Variants in AGAP1 observed in about 807,000 individuals in gnomAD.
AGAP1 encodes the protein ArfGAP with GTPase domain, ankyrin repeat and PH domain 1, also known as arf-GAP with GTPase, ANK repeat and PH domain-containing protein 1.
AGAP1 carries 29 observed loss-of-function variants against 105.3 expected under a neutral mutation model. The ratio of observed to expected loss-of-function variants is 0.28; its 90% CI spans 0.21 to 0.38. The LOEUF (loss-of-function observed/expected upper bound fraction) is 0.38, where lower values mean the gene tolerates loss of function less well. Ranked by LOEUF, AGAP1 falls within the 10% of genes least tolerant of loss-of-function variation. The pLI is 1.00. For missense variants in AGAP1, 998 were observed against 1,165.1 expected (o/e 0.86, Z 2.09); for synonymous variants, 509 against 485.9 (o/e 1.05, Z -0.63).
In AGAP1 at chr2:236,129,195, G is replaced by C. The variant is rs1254495321; in HGVS notation, c.*5073G>C. 1 of 152,270 alleles carries C rather than the reference G, an allele frequency of 6.6e-6. No homozygotes were observed. The highest frequency in any genetic ancestry group is 2.4e-5 in the African/African-American group (1 of 41,452). 9.4% of individuals were successfully genotyped at this position (152,270 alleles called of 1,614,324 possible). A position where few individuals can be genotyped will look rare whatever the true frequency, so the allele number is the denominator to read the frequency against. On this transcript the variant is annotated 3_prime_UTR_variant, in exon 18 of 18. Transcript: ENST00000304032. The surrounding 1 kb of genome is among the most constrained non-coding windows in gnomAD (Gnocchi z 6.2). ...TTCTTCAGGGAGCCCTTGTGGTCAT[G>C]TGTCTTTAATGCTGCTCCCCATGCC...
rs1312401589 is a variant in AGAP1, at chr2:236,012,931, G to A, written c.1646-23630G>A. On this transcript the variant is annotated intron_variant, in intron 13 of 17. Transcript: ENST00000304032. This position sits in a 1 kb window ranked among gnomAD's most constrained non-coding sequence, Gnocchi z 4.9. ...ACAGCTAATTTTTGTATTTTTAGTAGAGACGGTGTTTTGCCATGTTGGCCA... is the reference window on the plus strand; with the variant it reads ...ACAGCTAATTTTTGTATTTTTAGTAAAGACGGTGTTTTGCCATGTTGGCCA... 6.6e-6 allele frequency among the ~76,000 whole-genome samples: 1 copy of A among 152,104 alleles called. No homozygotes were observed. The highest frequency in any genetic ancestry group is 1.5e-5 in the Non-Finnish European group (1 of 68,032).
chr2:235,645,021 G>A (rs373154228), intron 1 of AGAP1, among the ~76,000 whole-genome samples: 16 of 151,960 alleles, frequency 1.1e-4, no homozygotes, highest in African/African-American at 3.4e-4. Flanking sequence ...TCAGCCTGCT[G>A]AGTAGCTGGG....
rs754402762 is a variant in AGAP1, at chr2:235,992,898, C to T, written c.1645+24275C>T. On this transcript the variant is annotated intron_variant, in intron 13 of 17. Transcript: ENST00000304032. This position sits in a 1 kb window ranked among gnomAD's most constrained non-coding sequence, Gnocchi z 4.8. ...GCCTCTTTCCGTCGTGAACCATGGA[C>T]GTCTCTCCTTGACCTCCTCCCTACC... Among the ~76,000 whole-genome samples, 4 of 152,116 alleles carry T rather than the reference C, an allele frequency of 2.6e-5. No homozygotes were observed. The highest frequency in any genetic ancestry group is 9.7e-5 in the African/African-American group (4 of 41,424).
rs2059426108 is a variant in AGAP1, at chr2:236,104,113, TG to T, written c.2115-16076del. On this transcript the variant is annotated intron_variant, in intron 16 of 17. Coordinates refer to ENST00000304032, the MANE Select transcript of AGAP1 (RefSeq NM_001037131.3). This position sits in a 1 kb window ranked among gnomAD's most constrained non-coding sequence, Gnocchi z 4.7. ...CCACTTGCATTTAGGTGGGGGGCCT[TG>T]GGCAGTGGGTCTGCCCCAGGAGCCC... 6.6e-6 allele frequency among the ~76,000 whole-genome samples: 1 copy of T among 152,050 alleles called. No individual in the cohort carries two copies. The highest frequency in any genetic ancestry group is 1.5e-5 in the Non-Finnish European group (1 of 68,038).
At position 235,792,308 on chromosome 2, in the gene AGAP1, C is replaced by G. The variant is rs183554845; in HGVS notation, c.674-5451C>G. 4.6e-4 allele frequency among the ~76,000 whole-genome samples: 70 copies of G among 152,254 alleles called. No individual in the cohort carries two copies. Among genetic ancestry groups the G allele is most frequent in the African/African-American group, 1.7e-3 (70 of 41,554 alleles). On this transcript the variant is annotated intron_variant, in intron 6 of 17. Coordinates refer to ENST00000304032, the MANE Select transcript of AGAP1 (RefSeq NM_001037131.3). This position sits in a 1 kb window ranked among gnomAD's most constrained non-coding sequence, Gnocchi z 5.3. ...CCACCCTTCACGTGTCATCTGGTCCCCCACAAAGCTTTTGCATGGGGTTCA... is the reference window on the plus strand; with the variant it reads ...CCACCCTTCACGTGTCATCTGGTCCGCCACAAAGCTTTTGCATGGGGTTCA...
In AGAP1 at chr2:236,020,239, C is replaced by T. The variant is rs1187297950; in HGVS notation, c.1646-16322C>T. On this transcript the variant is annotated intron_variant, in intron 13 of 17. Transcript: ENST00000304032. The surrounding 1 kb of genome is among the most constrained non-coding windows in gnomAD (Gnocchi z 5.0). The stretch of plus-strand genomic sequence containing the variant: ...TGTGGAACATGGCCCCTGCATTGCT[C>T]CTTGCCTAGGACCAGTAAGCCCCAG... Among the ~76,000 whole-genome samples, 1 of 152,176 alleles carries T rather than the reference C, an allele frequency of 6.6e-6. No individual in the cohort carries two copies. The highest frequency in any genetic ancestry group is 1.5e-5 in the Non-Finnish European group (1 of 68,034).
In AGAP1 at chr2:235,574,556, T is replaced by C. The variant is rs1190181113; in HGVS notation, c.163+79707T>C. Among the ~76,000 whole-genome samples the C allele has an allele frequency of 6.6e-6, 1 of 152,246 alleles. No individual in the cohort carries two copies. The highest frequency in any genetic ancestry group is 1.5e-5 in the Non-Finnish European group (1 of 68,040). On this transcript the variant is annotated intron_variant, in intron 1 of 17. Coordinates refer to ENST00000304032, the MANE Select transcript of AGAP1 (RefSeq NM_001037131.3). This position sits in a 1 kb window ranked among gnomAD's most constrained non-coding sequence, Gnocchi z 5.0. ...AAACACTTCCCACCACTGAAGTCTT[T>C]GGTTTCCTTGATTTGATAGTTTTTA...
rs1010420392 is a variant in AGAP1, at chr2:236,120,835, G to A, written c.2370+388G>A. On this transcript the variant is annotated intron_variant, in intron 17 of 17. Transcript: ENST00000304032. The surrounding 1 kb of genome is among the most constrained non-coding windows in gnomAD (Gnocchi z 6.0). ...ACAGAAATACTGGACCCTAAACTTT[G>A]AGGTCTGATGTGGCAGGAGTTTGTC... Among the ~76,000 whole-genome samples, 2 of 152,194 alleles carry A rather than the reference G, an allele frequency of 1.3e-5. No homozygotes were observed. Among genetic ancestry groups the A allele is most frequent in the African/African-American group, 4.8e-5 (2 of 41,448 alleles).
chr2:235,859,401 C>T (rs185819908), intron 9 of AGAP1, among the ~76,000 whole-genome samples: 1 of 84,162 alleles, frequency 1.2e-5, no homozygotes, highest in African/African-American at 3.6e-5. Context: ...CCTCCCCCCC[C>T]CCCCCCGCCT....
At position 235,720,758 on chromosome 2, in the gene AGAP1, TGTA is replaced by T; in HGVS notation, c.310+3116_310+3118del. On this transcript the variant is annotated intron_variant, in intron 3 of 17. Transcript: ENST00000304032. The surrounding 1 kb of genome is among the most constrained non-coding windows in gnomAD (Gnocchi z 5.0). The stretch of plus-strand genomic sequence containing the variant: ...ATAATCCTGACCCGTGGCTGGGATA[TGTA>T]GACTGCTGGGAGGGGTGAGGGTGAG... The T allele has an allele frequency of 1.0e-6, 1 of 967,612 alleles. No homozygotes were observed. Among genetic ancestry groups the T allele is most frequent in the Non-Finnish European group, 1.2e-6 (1 of 813,802 alleles). The allele number at this position is 967,612 out of a possible 1,614,324, so 59.9% of individuals were successfully genotyped here. A position where few individuals can be genotyped will look rare whatever the true frequency, so the allele number is the denominator to read the frequency against.
chr2:235,602,868 A>T (rs1945778791), intron 1 of AGAP1, among the ~76,000 whole-genome samples: 1 of 152,004 alleles, frequency 6.6e-6, no homozygotes, highest in African/African-American at 2.4e-5. Context: ...CGCCTGGCTA[A>T]TTTTTGTATT....
chr2:236,084,354 T>C (rs968131501), intron 16 of AGAP1, among the ~76,000 whole-genome samples: 1 of 152,206 alleles, frequency 6.6e-6, no homozygotes, highest in Non-Finnish European at 1.5e-5. Flanking sequence ...GTAAGGATCA[T>C]TCTGGAACGA....
intron 6 of AGAP1, among the ~76,000 whole-genome samples, chr2:235,782,934 G>C (rs754423394): frequency 6.6e-6 from 1 of 152,158 alleles, no homozygotes; most frequent in Non-Finnish European, 1.5e-5. Context: ...TTGTATGGGA[G>C]GCAGCATTTT....
chr2:235,607,246 G>A (rs1945974903), intron 1 of AGAP1, among the ~76,000 whole-genome samples: 1 of 152,164 alleles, frequency 6.6e-6, no homozygotes, highest in Non-Finnish European at 1.5e-5. Context: ...AATGCTAGGT[G>A]GGAAATAGGA....
intron 1 of AGAP1, among the ~76,000 whole-genome samples, chr2:235,508,548 G>A (rs951458834): frequency 6.6e-6 from 1 of 152,164 alleles, no homozygotes; most frequent in Non-Finnish European, 1.5e-5. Flanking sequence ...TGGCGGCTGG[G>A]ATGCTGACTG....
intron 9 of AGAP1, among the ~76,000 whole-genome samples, chr2:235,832,977 C>G (rs1189322504): frequency 6.6e-6 from 1 of 152,216 alleles, no homozygotes; most frequent in Admixed American, 6.5e-5. Context: ...TGACCGAGGA[C>G]CAGGGCCTTT....
intron 16 of AGAP1, among the ~76,000 whole-genome samples, chr2:236,081,511 C>A (rs1290851850): frequency 1.3e-5 from 2 of 152,190 alleles, no homozygotes; most frequent in African/African-American, 4.8e-5. Context: ...TGACCACTTG[C>A]AGACAGAAGT....
chr2:235,547,806 A>G (rs924302577), intron 1 of AGAP1, among the ~76,000 whole-genome samples: 4 of 152,058 alleles, frequency 2.6e-5, no homozygotes, highest in African/African-American at 7.2e-5. Flanking sequence ...AGTCCTTTCT[A>G]CTGTGGGGTT....
Position 235,655,916 on chromosome 2 carries a change from G to T in AGAP1, c.164-53263G>T, listed in dbSNP as rs11883444. ...GGGTTTTGTATGGAAAAGGGAGGGG[G>T]CAGTGCAGGATGTGGCAAGGCAGTT... On this transcript the variant is annotated intron_variant, in intron 1 of 17. Transcript: ENST00000304032. This position sits in a 1 kb window ranked among gnomAD's most constrained non-coding sequence, Gnocchi z 4.3. Among the ~76,000 whole-genome samples, 1 of 152,170 alleles carries T rather than the reference G, an allele frequency of 6.6e-6. No homozygotes were observed. The highest frequency in any genetic ancestry group is 1.5e-5 in the Non-Finnish European group (1 of 68,034).
Sources: allele counts gnomAD v4.1 joint callset (sites outside exome capture counted in the v4.1 genomes callset), GRCh38; gene constraint gnomAD v4.1.1; non-coding constraint Gnocchi (gnomAD v3.1); transcripts MANE v1.5; gene names NCBI Gene and HGNC (gene_info 2026-07-23, HGNC 2026-07-21).